The following EPHA6 variants were observed in gnomAD, a reference collection of about 807,000 sequenced individuals.
The protein encoded by EPHA6 is ephrin type-A receptor 6.
A neutral mutation model predicts 112.0 loss-of-function variants in EPHA6; 50 were observed. The ratio of observed to expected loss-of-function variants is 0.45; its 90% CI spans 0.36 to 0.56. EPHA6 has a LOEUF of 0.56. EPHA6 is among the 20% of genes least tolerant of loss of function. The pLI is 0.00. For synonymous variants in EPHA6, 529 were observed against 490.7 expected (o/e 1.08, Z -1.03); for missense variants, 1,280 against 1,417.4 (o/e 0.90, Z 1.56).
intron 3 of EPHA6, among the ~76,000 whole-genome samples, chr3:97,097,438 G>A (rs1402515363): frequency 6.6e-6 from 1 of 151,444 alleles, no homozygotes; most frequent in African/African-American, 2.4e-5. Context: ...CAAAACACAA[G>A]GTTTTACATT....
At chr3:97,157,839 C>CTCAG (rs1357154140) in intron 3 of EPHA6, among the ~76,000 whole-genome samples, 2 of 152,122 alleles carry the variant, frequency 1.3e-5, no homozygotes, top group African/African-American at 4.8e-5. Flanking sequence ...GGTATCTTTA[C>CTCAG]TCAGTCTACT....
intron 10 of EPHA6, among the ~76,000 whole-genome samples, chr3:97,527,280 G>A (rs2092634858): frequency 6.6e-6 from 1 of 152,004 alleles, no homozygotes; most frequent in African/African-American, 2.4e-5. Context: ...ACAATTACTG[G>A]GTCTGCCACC....
intron 14 of EPHA6, among the ~76,000 whole-genome samples, chr3:97,661,784 A>G (rs1382294625): frequency 1.3e-5 from 2 of 152,112 alleles, no homozygotes; most frequent in East Asian, 3.9e-4. Flanking sequence ...AACTTTCTGA[A>G]TATCTCTTTG....
At chr3:97,716,947 G>A (rs1272053551) in intron 14 of EPHA6, among the ~76,000 whole-genome samples, 1 of 151,836 alleles carries the variant, frequency 6.6e-6, no homozygotes, top group Non-Finnish European at 1.5e-5. Flanking sequence ...CAGGTGTGGT[G>A]GGCCTGTAAT....
intron 4 of EPHA6, among the ~76,000 whole-genome samples, chr3:97,241,760 T>G (rs980525904): frequency 3.3e-5 from 5 of 150,864 alleles, no homozygotes; most frequent in Middle Eastern, 3.4e-3. Flanking sequence ...TTCTTGTTTT[T>G]TTTTTTTTTT....
chr3:97,286,459 T>C (rs1256696908), intron 5 of EPHA6, among the ~76,000 whole-genome samples: 2 of 152,204 alleles, frequency 1.3e-5, no homozygotes, highest in African/African-American at 4.8e-5. Flanking sequence ...CATAAGGATA[T>C]CCAGTTTTCC....
intron 3 of EPHA6, among the ~76,000 whole-genome samples, chr3:97,054,320 TATTCACAAACACCAGACTGCA>T (rs935882335): frequency 2.6e-5 from 4 of 152,118 alleles, no homozygotes; most frequent in Admixed American, 1.3e-4. Context: ...TTTGCTCTGG[TATTCACAAACACCAGACTGCA>T]ATTCACAAAC....
At chr3:97,280,933 T>C (rs2080263611) in intron 5 of EPHA6, among the ~76,000 whole-genome samples, 1 of 152,170 alleles carries the variant, frequency 6.6e-6, no homozygotes, top group Admixed American at 6.5e-5. Context: ...GGTGATGTGG[T>C]CTATATTTGG....
chr3:97,711,219 C>T (rs2033950705), intron 14 of EPHA6, among the ~76,000 whole-genome samples: 1 of 152,078 alleles, frequency 6.6e-6, no homozygotes, highest in South Asian at 2.1e-4. Flanking sequence ...TAGCTGCTGC[C>T]ATCCATGTAA....
intron 2 of EPHA6, among the ~76,000 whole-genome samples, chr3:96,869,769 C>A (rs984410995): frequency 6.6e-6 from 1 of 151,958 alleles, no homozygotes; most frequent in Non-Finnish European, 1.5e-5. Flanking sequence ...AATCAGATAT[C>A]ATTTTCAACA....
At chr3:96,998,268 G>A (rs1355949227) in intron 3 of EPHA6, among the ~76,000 whole-genome samples, 1 of 151,662 alleles carries the variant, frequency 6.6e-6, no homozygotes, top group Non-Finnish European at 1.5e-5. Context: ...TGTGAATTCT[G>A]CCTAGAATTT....
intron 5 of EPHA6, among the ~76,000 whole-genome samples, chr3:97,289,117 G>T (rs2080587559): frequency 6.6e-6 from 1 of 151,910 alleles, no homozygotes; most frequent in East Asian, 1.9e-4. Context: ...TGTTTTTGTT[G>T]CAATTGATTT....
intron 5 of EPHA6, among the ~76,000 whole-genome samples, chr3:97,344,592 C>T (rs2083450937): frequency 6.6e-6 from 1 of 152,190 alleles, no homozygotes; most frequent in South Asian, 2.1e-4. Flanking sequence ...CTCAGACTTA[C>T]ACCCCCCAGA....
chr3:97,575,862 A>C (rs917568992), intron 11 of EPHA6, among the ~76,000 whole-genome samples: 3 of 152,186 alleles, frequency 2.0e-5, no homozygotes, highest in African/African-American at 7.2e-5. Context: ...AGACTTATAT[A>C]AAGCTGTGTA....
chr3:97,466,276 GA>G, intron 7 of EPHA6: 1 of 1,285,372 alleles, frequency 7.8e-7, no homozygotes, highest in South Asian at 1.2e-5. Context: ...AGGTTAGATA[GA>G]AAACATTCCC....
At chr3:97,142,464 TA>T (rs982412297) in intron 3 of EPHA6, among the ~76,000 whole-genome samples, 1 of 151,818 alleles carries the variant, frequency 6.6e-6, no homozygotes, top group African/African-American at 2.4e-5. Context: ...GAGATTTAAA[TA>T]AGCACAATCA....
chr3:97,144,052 C>T (rs1240374323), intron 3 of EPHA6, among the ~76,000 whole-genome samples: 1 of 151,556 alleles, frequency 6.6e-6, no homozygotes, highest in Non-Finnish European at 1.5e-5. Flanking sequence ...TTGCAGTCTC[C>T]GTGATAGTTA....
intron 3 of EPHA6, among the ~76,000 whole-genome samples, chr3:97,078,851 A>G (rs1483811598): frequency 6.6e-6 from 1 of 152,130 alleles, no homozygotes; most frequent in Non-Finnish European, 1.5e-5. Context: ...GTAATCTACT[A>G]CTGGTGAGGA....
chr3:97,454,204 C>G (rs895629887), intron 7 of EPHA6, among the ~76,000 whole-genome samples: 2 of 151,748 alleles, frequency 1.3e-5, no homozygotes, highest in Non-Finnish European at 3.0e-5. Context: ...GAGAAATCAT[C>G]ACTTCTTCCT....
Sources: gnomAD v4.1 joint callset for allele counts (sites outside exome capture counted in the v4.1 genomes callset) on GRCh38, gnomAD v4.1.1 for gene constraint, MANE v1.5 for transcripts, NCBI Gene and HGNC (gene_info 2026-07-23, HGNC 2026-07-21) for gene names.